The following DIAPH3 variants were observed in gnomAD, a reference collection of about 807,000 sequenced individuals.
DIAPH3 encodes the protein protein diaphanous homolog 3.
DIAPH3 carries 117 observed loss-of-function variants against 144.3 expected under a neutral mutation model. The observed-to-expected ratio is 0.81, with a 90% CI of 0.70 to 0.95. The LOEUF (loss-of-function observed/expected upper bound fraction) is 0.95. DIAPH3 is among the 40% of genes least tolerant of loss of function. The probability of loss-of-function intolerance (pLI) is 0.00; values close to 1 mark genes in which losing one functional copy is unlikely to be tolerated. For synonymous variants in DIAPH3, 519 were observed against 488.9 expected, an observed-to-expected ratio of 1.06 and a Z score of -0.81; for missense variants, 1,421 against 1,412.7, an observed-to-expected ratio of 1.01 and a Z score of -0.09.
chr13:60,057,793 G>A (rs2056613935), intron 4 of DIAPH3, among the ~76,000 whole-genome samples: 2 of 151,946 alleles, frequency 1.3e-5, no homozygotes, highest in Non-Finnish European at 2.9e-5. Flanking sequence ...ATAAATTGGA[G>A]AAAGGACACC....
chr13:60,152,690 C>T (rs541636493), intron 1 of DIAPH3, among the ~76,000 whole-genome samples: 2 of 152,000 alleles, frequency 1.3e-5, no homozygotes, highest in South Asian at 4.2e-4. Flanking sequence ...AGTGAGTATA[C>T]AGTGTTTTAC....
chr13:59,694,332 T>C (rs2033684356), intron 27 of DIAPH3, among the ~76,000 whole-genome samples: 1 of 152,164 alleles, frequency 6.6e-6, no homozygotes. Context: ...ATGAGGTTGA[T>C]ACACTGATTT....
intron 27 of DIAPH3, among the ~76,000 whole-genome samples, chr13:59,746,899 A>G (rs1221100341): frequency 6.6e-6 from 1 of 152,204 alleles, no homozygotes; most frequent in Non-Finnish European, 1.5e-5. Context: ...TGACTGACAA[A>G]GAGAAAAATG....
At chr13:59,697,491 A>AAAAAAAAAAAAG (rs1555274392) in intron 27 of DIAPH3, among the ~76,000 whole-genome samples, 60 of 78,028 alleles carry the variant, frequency 7.7e-4, no homozygotes, top group African/African-American at 1.5e-3. Context: ...AAAAAAAAAA[A>AAAAAAAAAAAAG]AAGAAGAGGG....
Position 60,101,695 on chromosome 13 carries a change from CA to C in DIAPH3, c.391-7964del, listed in dbSNP as rs1203628485. 3.9e-5 allele frequency among the ~76,000 whole-genome samples: 6 copies of C among 152,164 alleles called. No individual in the cohort carries two copies. The East Asian group carries it at 1.2e-3, about 29-fold the overall frequency. On this transcript the variant is annotated intron_variant, in intron 3 of 27. Coordinates refer to ENST00000400324, the MANE Select transcript of DIAPH3 (RefSeq NM_001042517.2). ...GCTTCACTTCCACTGTCCTCAGCTA[CA>C]GTCCTAATGACCACACCTGGACCTT...
At chr13:60,107,237 C>A (rs1214855887) in intron 3 of DIAPH3, among the ~76,000 whole-genome samples, 1 of 151,782 alleles carries the variant, frequency 6.6e-6, no homozygotes, top group Non-Finnish European at 1.5e-5. Flanking sequence ...AGGTTTTGTT[C>A]CGTATAACTG....
intron 1 of DIAPH3, among the ~76,000 whole-genome samples, chr13:60,137,357 T>C (rs2059311103): frequency 6.6e-6 from 1 of 152,208 alleles, no homozygotes; most frequent in Admixed American, 6.5e-5. Context: ...GATTTAGAGC[T>C]TTCAGAGAAC....
At chr13:59,735,402 A>G (rs17664007) in intron 27 of DIAPH3, among the ~76,000 whole-genome samples, 3,859 of 152,336 alleles carry the variant, frequency 0.025, 75 homozygotes, top group Non-Finnish European at 0.042. Flanking sequence ...CTTACTATGC[A>G]ATCTTCAATG....
intron 20 of DIAPH3, 135 bp downstream of exon 20, chr13:59,911,600 G>GT (rs781121040): frequency 5.7e-6 from 4 of 707,416 alleles, no homozygotes; most frequent in South Asian, 5.2e-5. Context: ...ATATCCTTAA[G>GT]TTAAAAAAAA....
intron 27 of DIAPH3, among the ~76,000 whole-genome samples, chr13:59,726,765 C>T (rs1387588096): frequency 6.6e-6 from 1 of 152,038 alleles, no homozygotes; most frequent in African/African-American, 2.4e-5. Context: ...CCTAACTAGA[C>T]ATTTAAGAAA....
chr13:60,125,133 C>T (rs2058952530), intron 2 of DIAPH3, among the ~76,000 whole-genome samples: 2 of 152,164 alleles, frequency 1.3e-5, no homozygotes, highest in Non-Finnish European at 2.9e-5. Context: ...CTCTTTAGCA[C>T]ATAGCTAACA....
At chr13:60,080,510 A>G (rs2057519998) in intron 4 of DIAPH3, among the ~76,000 whole-genome samples, 1 of 151,940 alleles carries the variant, frequency 6.6e-6, no homozygotes, top group South Asian at 2.1e-4. Context: ...AAACTTTTAC[A>G]TTTCAGCTAA....
intron 14 of DIAPH3, among the ~76,000 whole-genome samples, chr13:59,975,487 C>A (rs1594188598): frequency 6.6e-6 from 1 of 152,062 alleles, no homozygotes; most frequent in East Asian, 1.9e-4. Flanking sequence ...CACCTCCCTG[C>A]AATTAACGTT....
chr13:59,679,079 C>T (rs1478392211), intron 27 of DIAPH3, among the ~76,000 whole-genome samples: 2 of 152,122 alleles, frequency 1.3e-5, no homozygotes, highest in Non-Finnish European at 2.9e-5. Flanking sequence ...GAATATGAAC[C>T]TTTATTTTAA....
chr13:59,724,303 A>G (rs1281406002), intron 27 of DIAPH3, among the ~76,000 whole-genome samples: 1 of 152,222 alleles, frequency 6.6e-6, no homozygotes, highest in Non-Finnish European at 1.5e-5. Flanking sequence ...TGTGTGAACT[A>G]TCACTGCAGA....
At chr13:59,772,446 G>A (rs1378149246) in intron 27 of DIAPH3, among the ~76,000 whole-genome samples, 1 of 151,870 alleles carries the variant, frequency 6.6e-6, no homozygotes, top group Non-Finnish European at 1.5e-5. Context: ...TATCTTGTTC[G>A]GCTTGCTGTA....
Position 60,042,717 on chromosome 13 carries a change from C to A in DIAPH3, c.599G>T (p.Arg200Leu), listed in dbSNP as rs1283256298. Residue 200 changes from arginine to leucine, a missense_variant, in exon 5 of 28, where the codon CGA (arginine) becomes CTA (leucine). Transcript: ENST00000400324. ...CACAGGATTGCTGGTCAAAGACACT[C>A]GGAGAGACTCCAGGCATGTGACAAG... ...ERLVTCLESL[R>L]VSLTSNPVSW... 6.2e-7 allele frequency: 1 copy of A among 1,613,550 alleles called. No individual in the cohort carries two copies. The highest frequency in any genetic ancestry group is 1.3e-5 in the African/African-American group (1 of 74,898).
chr13:59,794,850 A>C (rs1566318918), intron 25 of DIAPH3, among the ~76,000 whole-genome samples: 1 of 152,214 alleles, frequency 6.6e-6, no homozygotes, highest in Non-Finnish European at 1.5e-5. Flanking sequence ...AATATTTCTA[A>C]CATGCTGTTT....
rs1034593414 is a variant in DIAPH3, at chr13:59,971,179, A to G, written c.1651-19T>C. ...CACCAAACTGGAGAAAAAAACAATA[A>G]GAGACATAACTAAGAACATATCTAC... On this transcript the variant is annotated intron_variant, in intron 15 of 27. Coordinates refer to ENST00000400324, the MANE Select transcript of DIAPH3 (RefSeq NM_001042517.2). 2 of 1,554,824 alleles carry G rather than the reference A, an allele frequency of 1.3e-6. No individual in the cohort carries two copies. Among genetic ancestry groups the G allele is most frequent in the African/African-American group, 2.7e-5 (2 of 73,412 alleles).
Sources: gnomAD v4.1 joint callset for allele counts (sites outside exome capture counted in the v4.1 genomes callset) on GRCh38, gnomAD v4.1.1 for gene constraint, MANE v1.5 for transcripts, NCBI Gene and HGNC (gene_info 2026-07-23, HGNC 2026-07-21) for gene names.